GLIS3: variants seen among roughly 807,000 people sequenced by gnomAD.
GLIS3 encodes the protein GLIS family zinc finger 3, also known as zinc finger protein GLIS3.
Under a neutral mutation model 78.6 loss-of-function variants are expected in GLIS3, and 53 were observed. The ratio of observed to expected loss-of-function variants is 0.67; its 90% CI spans 0.54 to 0.85. GLIS3 has a LOEUF of 0.85. GLIS3 is among the 40% of genes least tolerant of loss of function. The pLI, the probability that GLIS3 is intolerant of heterozygous loss-of-function variation, is 0.00. For missense variants in GLIS3, 1,703 were observed against 1,231.1 expected (o/e 1.38, Z -5.74); for synonymous variants, 684 against 509.9 (o/e 1.34, Z -4.60).
chr9:4,240,049 G>A (rs1048930889), intron 2 of GLIS3, among the ~76,000 whole-genome samples: 4 of 151,810 alleles, frequency 2.6e-5, no homozygotes, highest in African/African-American at 9.7e-5. Flanking sequence ...TCCAACTGAA[G>A]ATAGATAAAA....
chr9:4,136,090 G>A (rs566636849), intron 2 of GLIS3, among the ~76,000 whole-genome samples: 5 of 152,284 alleles, frequency 3.3e-5, no homozygotes, highest in South Asian at 2.1e-4. Flanking sequence ...CAAAGCAATC[G>A]AATTTGGCAA....
At position 4,248,443 on chromosome 9, in the gene GLIS3, T is replaced by C. The variant is rs113395235; in HGVS notation, c.388+37595A>G. 2.5e-3 allele frequency among the ~76,000 whole-genome samples: 378 copies of C among 152,380 alleles called. 2 individuals carry two copies. Among genetic ancestry groups the C allele is most frequent in the African/African-American group, 8.8e-3 (368 of 41,594 alleles). ...TCAATTCTTTTTTATGGCTGCATAG[T>C]ATTCCATGGTGTATATGTGCCACAT... On this transcript the variant is annotated intron_variant, in intron 2 of 10. Coordinates refer to ENST00000381971, the MANE Select transcript of GLIS3 (RefSeq NM_001042413.2).
At chr9:4,211,605 A>G (rs772491585) in intron 2 of GLIS3, among the ~76,000 whole-genome samples, 2 of 152,260 alleles carry the variant, frequency 1.3e-5, no homozygotes, top group Non-Finnish European at 2.9e-5. Flanking sequence ...GCAACTTTGC[A>G]AAACAGTTTG....
the GLIS3 span, among the ~76,000 whole-genome samples, chr9:4,402,630 CAATT>C: frequency 6.6e-6 from 1 of 151,870 alleles, no homozygotes; most frequent in Non-Finnish European, 1.5e-5. Context: ...AAGATTGAAA[CAATT>C]AAAAAGAAGC....
chr9:3,944,882 T>C (rs931296360), intron 4 of GLIS3, among the ~76,000 whole-genome samples: 2 of 152,212 alleles, frequency 1.3e-5, no homozygotes, highest in Non-Finnish European at 2.9e-5. Flanking sequence ...GCTTTCATAC[T>C]GTGTCGTATC....
At chr9:3,835,372 G>A (rs916750839) in intron 9 of GLIS3, among the ~76,000 whole-genome samples, 1 of 152,192 alleles carries the variant, frequency 6.6e-6, no homozygotes, top group African/African-American at 2.4e-5. Context: ...TCCCCCTCCA[G>A]AGTGTGACCT....
chr9:4,357,560 C>CCT, the GLIS3 span, among the ~76,000 whole-genome samples: 1 of 100,134 alleles, frequency 1.0e-5, no homozygotes, highest in African/African-American at 4.9e-5. Context: ...TGAACTAATT[C>CCT]CTGTGTGTGT....
the GLIS3 span, among the ~76,000 whole-genome samples, chr9:4,451,236 T>A: frequency 6.6e-6 from 1 of 151,522 alleles, no homozygotes; most frequent in African/African-American, 2.4e-5. Context: ...CCAACAAAGA[T>A]CAAAAGAGAC....
chr9:4,393,640 AT>A, the GLIS3 span, among the ~76,000 whole-genome samples: 10 of 152,130 alleles, frequency 6.6e-5, no homozygotes, highest in Non-Finnish European at 1.2e-4. Context: ...AAAGCCAGTT[AT>A]TTTGTAAAAT....
At chr9:4,449,907 C>T in the GLIS3 span, among the ~76,000 whole-genome samples, 6 of 152,146 alleles carry the variant, frequency 3.9e-5, no homozygotes, top group Admixed American at 1.3e-4. Flanking sequence ...AGAGGAAAAC[C>T]TGAAAATTCT....
At chr9:4,146,511 T>C (rs368048436) in intron 2 of GLIS3, among the ~76,000 whole-genome samples, 6 of 152,306 alleles carry the variant, frequency 3.9e-5, no homozygotes, top group African/African-American at 1.4e-4. Flanking sequence ...GACTAAACTG[T>C]CCTCATCTCT....
At chr9:4,252,457 G>C (rs1489796207) in intron 2 of GLIS3, among the ~76,000 whole-genome samples, 1 of 151,878 alleles carries the variant, frequency 6.6e-6, no homozygotes, top group Non-Finnish European at 1.5e-5. Flanking sequence ...AGTTCCATCA[G>C]GTCATTTATG....
At chr9:3,874,990 T>C (rs1821221029) in intron 8 of GLIS3, among the ~76,000 whole-genome samples, 1 of 152,196 alleles carries the variant, frequency 6.6e-6, no homozygotes, top group Admixed American at 6.5e-5. Context: ...TGACATTCTC[T>C]TGTAAAAGAT....
At chr9:3,879,722 A>G in intron 7 of GLIS3, 127 bp from the exon 8 acceptor site, 1 of 968,346 alleles carries the variant, frequency 1.0e-6, no homozygotes, top group East Asian at 2.6e-5. Flanking sequence ...TTTTCAGGGA[A>G]CAGTTCTCCC....
chr9:3,993,002 C>A (rs112871703), intron 4 of GLIS3, among the ~76,000 whole-genome samples: 1,526 of 152,280 alleles, frequency 0.01, 25 homozygotes, highest in East Asian at 0.036. Flanking sequence ...TCAGTAAGGC[C>A]GGCTGCCAGG....
At chr9:4,356,862 TA>T in the GLIS3 span, among the ~76,000 whole-genome samples, 1 of 152,212 alleles carries the variant, frequency 6.6e-6, no homozygotes, top group Non-Finnish European at 1.5e-5. Flanking sequence ...ATTACACATG[TA>T]AAAAGGTTAA....
the GLIS3 span, among the ~76,000 whole-genome samples, chr9:4,456,508 T>C: frequency 1.3e-5 from 2 of 152,242 alleles, no homozygotes; most frequent in East Asian, 3.8e-4. Context: ...GCTATTCTGC[T>C]TTCTTATCAC....
At chr9:4,129,283 G>T (rs546107027) in intron 2 of GLIS3, among the ~76,000 whole-genome samples, 1 of 152,124 alleles carries the variant, frequency 6.6e-6, no homozygotes, top group African/African-American at 2.4e-5. Flanking sequence ...TAACATTTTT[G>T]TGCCGTATTT....
intron 2 of GLIS3, among the ~76,000 whole-genome samples, chr9:4,328,359 A>G (rs1817632750): frequency 1.3e-5 from 2 of 152,246 alleles, no homozygotes. Context: ...CACTCAACCC[A>G]CTAACCAGCA....
Sources: allele counts gnomAD v4.1 joint callset (sites outside exome capture counted in the v4.1 genomes callset), GRCh38; gene constraint gnomAD v4.1.1; transcripts MANE v1.5; gene names NCBI Gene and HGNC (gene_info 2026-07-23, HGNC 2026-07-21).